TRDN: variants seen among roughly 807,000 people sequenced by gnomAD.
TRDN encodes the protein triadin, also known as triadin in skeletal muscle.
Under a neutral mutation model 149.7 loss-of-function variants are expected in TRDN, and 161 were observed. The observed-to-expected ratio is 1.08, with a 90% CI of 0.95 to 1.23. The LOEUF is 1.23. Ranked by LOEUF, TRDN falls within the 50% of genes most tolerant of loss-of-function variation. The pLI, the probability that TRDN is intolerant of heterozygous loss-of-function variation, is 0.00. For missense variants in TRDN, 896 were observed against 823.5 expected (o/e 1.09, Z -1.08); for synonymous variants, 294 against 250.5 (o/e 1.17, Z -1.64).
At chr6:123,299,172 T>G (rs1778313352) in intron 24 of TRDN, among the ~76,000 whole-genome samples, 2 of 151,928 alleles carry the variant, frequency 1.3e-5, no homozygotes, top group South Asian at 4.1e-4. Context: ...CAATAAGAAA[T>G]GGGCCCCTAC....
intron 33 of TRDN, among the ~76,000 whole-genome samples, chr6:123,262,145 G>T (rs918494296): frequency 1.3e-5 from 2 of 151,830 alleles, no homozygotes; most frequent in African/African-American, 4.8e-5. Context: ...AAAGCCCCGT[G>T]ATTTTGAATT....
intron 18 of TRDN, among the ~76,000 whole-genome samples, chr6:123,377,250 T>C (rs986512775): frequency 1.3e-5 from 2 of 152,212 alleles, no homozygotes; most frequent in African/African-American, 2.4e-5. Flanking sequence ...AATAAGGAGA[T>C]AATATTTGCT....
At chr6:123,244,976 T>C (rs1776121855) in intron 38 of TRDN, among the ~76,000 whole-genome samples, 2 of 152,260 alleles carry the variant, frequency 1.3e-5, no homozygotes, top group South Asian at 4.1e-4. Flanking sequence ...CAACCCAGAA[T>C]TGCATATCCA....
At chr6:123,415,042 T>C (rs1181153793) in intron 12 of TRDN, among the ~76,000 whole-genome samples, 1 of 152,136 alleles carries the variant, frequency 6.6e-6, no homozygotes. Context: ...CAGATGCCAC[T>C]CTAGGCTCTG....
At position 123,331,906 on chromosome 6, in the gene TRDN, T is replaced by C. The variant is rs1279690233; in HGVS notation, c.1444A>G (p.Lys482Glu). 6.5e-7 allele frequency: 1 copy of C among 1,548,826 alleles called. No homozygotes were observed. The highest frequency in any genetic ancestry group is 1.2e-5 in the South Asian group (1 of 82,200). The change falls in exon 23 of 41, where the codon AAA becomes GAA. Residue 482 changes from lysine to glutamate, a missense_variant. Coordinates refer to ENST00000334268, the MANE Select transcript of TRDN (RefSeq NM_006073.4). ...DKEPIKGKEE[K>E]VPASLKEKEP... is the part of the protein sequence containing the mutation. ...TTTTCCTTTAGGGAAGCTGGAACTT[T>C]CTCTTCTTTCCCTTTAATAGGTTCT...
chr6:123,388,531 T>C lies in TRDN; in HGVS notation c.1126A>G (p.Lys376Glu). The C allele has an allele frequency of 1.3e-6, 2 of 1,587,278 alleles. No individual in the cohort carries two copies. The highest frequency in any genetic ancestry group is 1.7e-4 in the Middle Eastern group (1 of 6,014). ...TTTGCATAAAACATACCTTCCTTCT[T>C]TTCATCCTTCTTAGCTGCTGCTGAA... ...AAQAAAKKDE[K>E]KEDSKKTKKP... The change falls in exon 14 of 41, where the codon AAG becomes GAG. Residue 376 changes from lysine (K) to glutamate (E), a missense_variant. Coordinates refer to ENST00000334268, the MANE Select transcript of TRDN (RefSeq NM_006073.4).
intron 24 of TRDN, among the ~76,000 whole-genome samples, chr6:123,301,752 C>CATAT (rs776895792): frequency 0.021 from 1,601 of 77,062 alleles, 67 homozygotes; most frequent in African/African-American, 0.064. Flanking sequence ...TATATATATA[C>CATAT]ATATATATAT....
At chr6:123,516,616 A>C (rs997532674) in intron 5 of TRDN, among the ~76,000 whole-genome samples, 3 of 152,152 alleles carry the variant, frequency 2.0e-5, no homozygotes, top group African/African-American at 7.2e-5. Flanking sequence ...GCAAAGAACT[A>C]TCAACTTAAA....
At chr6:123,404,534 C>T (rs1031392403) in intron 12 of TRDN, among the ~76,000 whole-genome samples, 2 of 152,102 alleles carry the variant, frequency 1.3e-5, no homozygotes, top group Non-Finnish European at 1.5e-5. Flanking sequence ...CTGCAACCTC[C>T]ACTTCCCAAG....
At chr6:123,289,524 T>C (rs183852341) in intron 24 of TRDN, among the ~76,000 whole-genome samples, 381 of 152,182 alleles carry the variant, frequency 2.5e-3, no homozygotes, top group African/African-American at 8.8e-3. Context: ...AGGGCCTCAG[T>C]GAAAGCAGCT....
intron 1 of TRDN, among the ~76,000 whole-genome samples, chr6:123,626,697 AT>A (rs1053884525): frequency 6.6e-6 from 1 of 151,988 alleles, no homozygotes; most frequent in African/African-American, 2.4e-5. Flanking sequence ...AATCAAAAAT[AT>A]TTTTTATTGT....
At chr6:123,620,811 T>C (rs1785344054) in intron 1 of TRDN, among the ~76,000 whole-genome samples, 1 of 152,154 alleles carries the variant, frequency 6.6e-6, no homozygotes, top group South Asian at 2.1e-4. Flanking sequence ...AACCTAAGTT[T>C]TGCCTGAATG....
chr6:123,383,476 G>T, intron 14 of TRDN, among the ~76,000 whole-genome samples: 1 of 151,958 alleles, frequency 6.6e-6, no homozygotes, highest in East Asian at 1.9e-4. Flanking sequence ...TTAGGGAAAT[G>T]CTTTTCTCAG....
chr6:123,408,688 A>G (rs1046074557), intron 12 of TRDN, among the ~76,000 whole-genome samples: 3 of 151,962 alleles, frequency 2.0e-5, no homozygotes, highest in East Asian at 1.9e-4. Context: ...CAAAAAAAAA[A>G]AAAAGAATTG....
intron 20 of TRDN, among the ~76,000 whole-genome samples, chr6:123,356,818 G>A (rs1780702266): frequency 6.6e-6 from 1 of 150,922 alleles, no homozygotes; most frequent in African/African-American, 2.4e-5. Context: ...TATAGAATCT[G>A]TAGTGATGAT....
intron 5 of TRDN, among the ~76,000 whole-genome samples, chr6:123,518,500 TGTCTCTGTAAGGA>T (rs1351095899): frequency 6.6e-6 from 1 of 152,192 alleles, no homozygotes; most frequent in Non-Finnish European, 1.5e-5. Context: ...TCTGTGTCTC[TGTCTCTGTAAGGA>T]ATGAGGACTC....
At chr6:123,624,864 A>C (rs565251975) in intron 1 of TRDN, among the ~76,000 whole-genome samples, 2 of 152,146 alleles carry the variant, frequency 1.3e-5, no homozygotes, top group Non-Finnish European at 2.9e-5. Flanking sequence ...ATGACAGGGA[A>C]CTAGGAAACA....
chr6:123,282,353 C>T (rs1209931900), intron 24 of TRDN, among the ~76,000 whole-genome samples: 1 of 151,832 alleles, frequency 6.6e-6, no homozygotes, highest in Non-Finnish European at 1.5e-5. Flanking sequence ...CTGTTTTATA[C>T]CAAATTTCTT....
chr6:123,270,405 T>A (rs1201389033), intron 30 of TRDN, among the ~76,000 whole-genome samples: 1 of 151,928 alleles, frequency 6.6e-6, no homozygotes, highest in Non-Finnish European at 1.5e-5. Flanking sequence ...ATTATCTGAT[T>A]ATCTCAGGGA....
Sources: allele counts gnomAD v4.1 joint callset (sites outside exome capture counted in the v4.1 genomes callset), GRCh38; gene constraint gnomAD v4.1.1; transcripts MANE v1.5; gene names NCBI Gene and HGNC (gene_info 2026-07-23, HGNC 2026-07-21).